RECQL: variants seen among roughly 807,000 people sequenced by gnomAD.
RECQL encodes ATP-dependent DNA helicase Q1.
A neutral mutation model predicts 75.8 loss-of-function variants in RECQL; 73 were observed. The ratio of observed to expected loss-of-function variants is 0.96; its 90% confidence interval spans 0.80 to 1.17. RECQL has a LOEUF of 1.17. Among genes scored for constraint, RECQL ranks in the 50% most tolerant of loss-of-function variants. RECQL has a pLI of 0.00. For missense variants in RECQL, 699 were observed against 772.1 expected, an observed-to-expected ratio of 0.91 and a Z score of 1.12; for synonymous variants, 248 against 254.4, an observed-to-expected ratio of 0.97 and a Z score of 0.24.
intron 11 of RECQL, 149 bp downstream of exon 11, chr12:21,474,692 G>T: frequency 1.5e-6 from 1 of 666,136 alleles, no homozygotes; most frequent in African/African-American, 1.8e-5. Flanking sequence ...CATACAGGTT[G>T]ATGTGCTGGT....
At chr12:21,486,410 C>A in intron 5 of RECQL, 69 bp downstream of exon 5, 1 of 1,476,732 alleles carries the variant, frequency 6.8e-7, no homozygotes, top group South Asian at 1.4e-5. Flanking sequence ...ATAAGCAACT[C>A]AACTGCAGGT....
rs186597865 is a variant in RECQL at position 21,478,629 on chromosome 12, T to C, written c.701-660A>G. Reference sequence around the variant, plus strand: ...CTGACATGAAATTAGTATGTTCAGATAACAGCAAGCAGTTCACTGGGGCTA... The same window carrying C: ...CTGACATGAAATTAGTATGTTCAGACAACAGCAAGCAGTTCACTGGGGCTA... On this transcript the variant is annotated intron_variant, in intron 6 of 14. Coordinates refer to ENST00000444129, the MANE Select transcript of RECQL (RefSeq NM_002907.4). 3.2e-3 allele frequency among the ~76,000 whole-genome samples: 491 copies of C among 152,344 alleles called. 3 individuals carry two copies. Among genetic ancestry groups the C allele is most frequent in the African/African-American group, 0.011 (463 of 41,582 alleles).
Position 21,501,545 on chromosome 12 carries a change from G to T in RECQL, c.-421C>A, listed in dbSNP as rs893871191. 4 of 234,076 alleles carry T rather than the reference G, an allele frequency of 1.7e-5. No homozygotes were observed. The highest frequency in any genetic ancestry group is 3.3e-5 in the Non-Finnish European group (4 of 119,496). 14.5% of individuals were successfully genotyped at this position (234,076 alleles called of 1,614,324 possible). A position where few individuals can be genotyped will look rare whatever the true frequency, so the allele number is the denominator to read the frequency against. On this transcript the variant is annotated 5_prime_UTR_variant, in exon 1 of 15. Transcript: ENST00000444129. ...TCCGACTCTCCGATCTCCGACTCTC[G>T]GATCTCCGACACCAAAGCACCCAGG...
At chr12:21,494,132 TAAGA>T (rs996593843) in intron 2 of RECQL, among the ~76,000 whole-genome samples, 6 of 151,260 alleles carry the variant, frequency 4.0e-5, no homozygotes, top group African/African-American at 1.5e-4. Flanking sequence ...GGAGATAGAG[TAAGA>T]AAGAGAAGAG....
intron 2 of RECQL, 54 bp from the exon 3 acceptor site, chr12:21,491,770 G>T: frequency 6.1e-6 from 9 of 1,467,352 alleles, no homozygotes; most frequent in South Asian, 2.7e-5. Context: ...ACAACTTTAG[G>T]TTTCCAGATT....
rs1338692162 is a variant in RECQL, at chr12:21,474,881, T to G, written c.1315A>C (p.Lys439Gln). 6 of 1,613,086 alleles carry G rather than the reference T, an allele frequency of 3.7e-6. No homozygotes were observed. The highest frequency in any genetic ancestry group is 1.1e-5 in the South Asian group (1 of 91,054). Residue 439 changes from lysine (K) to glutamine (Q), a missense_variant, in exon 11 of 15, where the codon AAG (lysine) becomes CAG (glutamine). Transcript: ENST00000444129. ...CAGTATGATACCATCTCATAAAGCT[T>G]CTGCTGTCCCACATTTTCCATCACC... ...MVVMENVGQQ[K>Q]LYEMVSYCQN...
chr12:21,496,196 C>T (rs1257288567), intron 2 of RECQL, among the ~76,000 whole-genome samples: 3 of 152,218 alleles, frequency 2.0e-5, no homozygotes, highest in Non-Finnish European at 4.4e-5. Flanking sequence ...ATGCAGAAGA[C>T]AATGGATTCT....
chr12:21,496,987 C>G (rs1396231351), intron 2 of RECQL, among the ~76,000 whole-genome samples: 2 of 152,198 alleles, frequency 1.3e-5, no homozygotes, highest in East Asian at 3.8e-4. Flanking sequence ...TGAGTCACAA[C>G]AAAGATGATA....
At chr12:21,498,180 C>G (rs1339796499) in intron 2 of RECQL, among the ~76,000 whole-genome samples, 1 of 152,180 alleles carries the variant, frequency 6.6e-6, no homozygotes, top group Non-Finnish European at 1.5e-5. Context: ...CACCAACAAC[C>G]TGCAGCAGCT....
chr12:21,492,508 A>C (rs1293573231), intron 2 of RECQL, among the ~76,000 whole-genome samples: 1 of 152,256 alleles, frequency 6.6e-6, no homozygotes, highest in Non-Finnish European at 1.5e-5. Flanking sequence ...TGTGATTTAA[A>C]ATAGGATGTT....
intron 6 of RECQL, among the ~76,000 whole-genome samples, chr12:21,478,956 G>A (rs773077998): frequency 3.9e-5 from 6 of 152,164 alleles, no homozygotes; most frequent in Non-Finnish European, 5.9e-5. Flanking sequence ...CCACAGAGGC[G>A]ATAGCTACTC....
Position 21,490,286 on chromosome 12 carries a change from T to C in RECQL, c.307A>G (p.Thr103Ala). Residue 103 changes from threonine to alanine, a missense_variant, in exon 4 of 15, where the codon ACA (threonine) becomes GCA (alanine). Thr to Ala is a moderately conservative substitution (Grantham distance 58, BLOSUM62 0). This residue lies in a region of RECQL where 669 missense variants were observed against 713.5 expected (regional missense o/e 0.94). Coordinates refer to ENST00000444129, the MANE Select transcript of RECQL (RefSeq NM_002907.4). ...AGAAATACCTCCTTTCCAGCCATTG[T>C]TACGTTAATAGTTTCAAGCTGAAGT... ...RPLQLETINV[T>A]MAGKEVFLVM... 1 of 1,612,894 alleles carries C rather than the reference T, an allele frequency of 6.2e-7. No homozygotes were observed. The highest frequency in any genetic ancestry group is 8.5e-7 in the Non-Finnish European group (1 of 1,179,040).
chr12:21,491,098 G>C (rs967042684), intron 3 of RECQL, among the ~76,000 whole-genome samples: 3 of 152,066 alleles, frequency 2.0e-5, no homozygotes. Context: ...ATCCCTTCTA[G>C]AGTTATTCTA....
chr12:21,488,937 G>A (rs1565572360), intron 4 of RECQL, among the ~76,000 whole-genome samples: 1 of 152,170 alleles, frequency 6.6e-6, no homozygotes, highest in Non-Finnish European at 1.5e-5. Flanking sequence ...ACATCATAAT[G>A]TGAATGTTCT....
chr12:21,494,368 G>A (rs989384385), intron 2 of RECQL, among the ~76,000 whole-genome samples: 1 of 152,160 alleles, frequency 6.6e-6, no homozygotes, highest in Non-Finnish European at 1.5e-5. Context: ...GAATGTATAT[G>A]GGAATAGATC....
chr12:21,473,945 T>C (rs1261858051), intron 11 of RECQL, among the ~76,000 whole-genome samples: 1 of 152,094 alleles, frequency 6.6e-6, no homozygotes, highest in Non-Finnish European at 1.5e-5. Context: ...CAATGCTACT[T>C]TCCTTTTGCC....
chr12:21,486,656 C>CCTTTTTTT lies in RECQL; in HGVS notation c.395-72_395-71insAAAAAAAG, dbSNP rs1565571187. ...CTCAGAATCAGATGCAAACCATTCA[C>CCTTTTTTT]GTTTTTTTTTTTTTTTTTTTTTTTT... On this transcript the variant is annotated intron_variant, in intron 4 of 14. Coordinates refer to ENST00000444129, the MANE Select transcript of RECQL (RefSeq NM_002907.4). 1.7e-4 allele frequency: 27 copies of CCTTTTTTT among 161,214 alleles called. 11 individuals carry two copies. The highest frequency in any genetic ancestry group is 1.2e-3 in the African/African-American group (18 of 14,988). 10.0% of individuals were successfully genotyped at this position (161,214 alleles called of 1,614,324 possible). A position where few individuals can be genotyped will look rare whatever the true frequency, so the allele number is the denominator to read the frequency against.
At chr12:21,491,864 A>T in intron 2 of RECQL, 148 bp from the exon 3 acceptor site, 2 of 712,126 alleles carry the variant, frequency 2.8e-6, no homozygotes, top group Admixed American at 3.4e-5. Context: ...TTTTTGAGTC[A>T]TATAGACCTA....
chr12:21,496,851 C>T (rs986012784), intron 2 of RECQL, among the ~76,000 whole-genome samples: 4 of 152,134 alleles, frequency 2.6e-5, no homozygotes, highest in African/African-American at 9.7e-5. Flanking sequence ...TTGAGTAGGA[C>T]CTCGAACAAG....
Sources: gnomAD v4.1 joint callset for allele counts (sites outside exome capture counted in the v4.1 genomes callset) on GRCh38, gnomAD v4.1.1 for gene constraint, gnomAD v4.1.1 regional missense constraint, MANE v1.5 for transcripts, NCBI Gene and HGNC (gene_info 2026-07-23, HGNC 2026-07-21) for gene names.